CUL5: variants seen among roughly 807,000 people sequenced by gnomAD.
CUL5 encodes cullin 5, also known as cullin-5.
CUL5 carries 26 observed loss-of-function variants against 108.8 expected under a neutral mutation model. That is an observed-to-expected ratio of 0.24 (90% confidence interval 0.18 to 0.33). The LOEUF (loss-of-function observed/expected upper bound fraction) is 0.33, where lower values mean the gene tolerates loss of function less well. CUL5 is among the 10% of genes least tolerant of loss of function. The pLI is 1.00. For synonymous variants in CUL5, 334 were observed against 298.0 expected (o/e 1.12, Z -1.25); for missense variants, 524 against 909.2 (o/e 0.58, Z 5.45).
chr11:108,013,586 TCTTAA>T (rs1481267648), intron 1 of CUL5, among the ~76,000 whole-genome samples: 1 of 152,204 alleles, frequency 6.6e-6, no homozygotes, highest in African/African-American at 2.4e-5. Context: ...AATAACTAAC[TCTTAA>T]CTTTCATTCT....
chr11:108,099,038 T>C (rs1864574025), intron 18 of CUL5, among the ~76,000 whole-genome samples: 1 of 138,310 alleles, frequency 7.2e-6, no homozygotes, highest in South Asian at 2.3e-4. Flanking sequence ...AGGGTCTCAC[T>C]TTGTTGCCCA....
chr11:108,105,708 G>C lies in CUL5; in HGVS notation c.*1324G>C, dbSNP rs1310608786. 6.6e-6 allele frequency: 1 copy of C among 152,070 alleles called. No homozygotes were observed. The highest frequency in any genetic ancestry group is 1.5e-5 in the Non-Finnish European group (1 of 67,974). 9.4% of individuals were successfully genotyped at this position (152,070 alleles called of 1,614,324 possible). On this transcript the variant is annotated 3_prime_UTR_variant, in exon 19 of 19. Transcript: ENST00000393094. ...TTGAAAGAGAAAATTGATTCCCCTTGAGGAAAGAATGGCTCAACGTGGATT... is the reference window on the plus strand; with the variant it reads ...TTGAAAGAGAAAATTGATTCCCCTTCAGGAAAGAATGGCTCAACGTGGATT...
chr11:108,059,923 C>A, intron 7 of CUL5, among the ~76,000 whole-genome samples: 1 of 151,376 alleles, frequency 6.6e-6, no homozygotes. Flanking sequence ...TTTGTATTAG[C>A]AGAATTAAAT....
chr11:108,022,068 A>G (rs1862340231), intron 1 of CUL5, among the ~76,000 whole-genome samples: 1 of 150,864 alleles, frequency 6.6e-6, no homozygotes. Flanking sequence ...TGGTCTTGAA[A>G]TCCTAGCCTC....
chr11:108,067,214 C>T (rs1422660804), intron 7 of CUL5, among the ~76,000 whole-genome samples: 1 of 152,118 alleles, frequency 6.6e-6, no homozygotes, highest in Admixed American at 6.6e-5. Flanking sequence ...TAGCATAATG[C>T]CTGGTACAAA....
chr11:108,021,186 T>G (rs1343519415), intron 1 of CUL5, among the ~76,000 whole-genome samples: 1 of 152,216 alleles, frequency 6.6e-6, no homozygotes, highest in Non-Finnish European at 1.5e-5. Flanking sequence ...ATGAAATTGC[T>G]TAACGATGCA....
In CUL5 at chr11:108,088,596, A is replaced by G; in HGVS notation, c.1248A>G (p.Leu416=). 6.2e-7 allele frequency: 1 copy of G among 1,613,004 alleles called. No individual in the cohort carries two copies. Among genetic ancestry groups the G allele is most frequent in the Non-Finnish European group, 8.5e-7 (1 of 1,179,462 alleles). ...TTGCCAATTACTGTGACATGTTGCT[A>G]AGAAAAACACCATTAAGCAAAAAAC... is the stretch of plus-strand genomic sequence containing the variant. ...ELLANYCDML[L]RKTPLSKKLT... Residue 416 remains leucine, a synonymous_variant, in exon 12 of 19, where the codon CTA becomes CTG. Coordinates refer to ENST00000393094, the MANE Select transcript of CUL5 (RefSeq NM_003478.6).
chr11:108,097,596 T>C, intron 16 of CUL5, 40 bp from the exon 17 acceptor site: 4 of 1,137,122 alleles, frequency 3.5e-6, no homozygotes, highest in East Asian at 2.4e-5. Context: ...TATTCCATAC[T>C]GTTTATAGAT....
chr11:108,046,387 A>G lies in CUL5; in HGVS notation c.234+18A>G, dbSNP rs1188752485. 2 of 1,417,442 alleles carry G rather than the reference A, an allele frequency of 1.4e-6. No individual in the cohort carries two copies. Among genetic ancestry groups the G allele is most frequent in the Admixed American group, 1.8e-5 (1 of 54,330 alleles). 87.8% of individuals were successfully genotyped at this position (1,417,442 alleles called of 1,614,324 possible). On this transcript the variant is annotated intron_variant, in intron 3 of 18. Transcript: ENST00000393094. ...CACAGGCAGTAAGTTCTACATGCTT[A>G]TTTTAGACTTGTTTTAAAACTACTC... is the stretch of plus-strand genomic sequence containing the variant.
chr11:108,106,113 A>G lies in CUL5; in HGVS notation c.*1729A>G, dbSNP rs1439838983. On this transcript the variant is annotated 3_prime_UTR_variant, in exon 19 of 19. Coordinates refer to ENST00000393094, the MANE Select transcript of CUL5 (RefSeq NM_003478.6). ...AAGAATTAAACTAAAATTAATACGT[A>G]CAGTTTTCTCTAATTAGGTGACTGT... 2 of 152,454 alleles carry G rather than the reference A, an allele frequency of 1.3e-5. No homozygotes were observed. The highest frequency in any genetic ancestry group is 3.9e-4 in the East Asian group (2 of 5,194). The allele number at this position is 152,454 out of a possible 1,614,324, so 9.4% of individuals were successfully genotyped here. A position where few individuals can be genotyped will look rare whatever the true frequency, so the allele number is the denominator to read the frequency against.
rs532873871 is a variant in CUL5 at position 108,093,062 on chromosome 11, C to T, written c.1444-1329C>T. Among the ~76,000 whole-genome samples the T allele has an allele frequency of 3.9e-4, 60 of 152,154 alleles. 1 individual carries two copies. In the South Asian group the frequency reaches 9.3e-3, roughly 24 times the overall value. On this transcript the variant is annotated intron_variant, in intron 13 of 18. Coordinates refer to ENST00000393094, the MANE Select transcript of CUL5 (RefSeq NM_003478.6). ...AACTCCTGACCTCAGGTGATCCACC[C>T]GCCTCAGCCTCCCAAAGTGCTGGGA...
At chr11:108,091,290 A>G (rs1319170092) in intron 13 of CUL5, among the ~76,000 whole-genome samples, 1 of 151,826 alleles carries the variant, frequency 6.6e-6, no homozygotes, top group African/African-American at 2.4e-5. Flanking sequence ...GTCTTAAGTG[A>G]TCCGCCTGCC....
rs1219871362 is a variant in CUL5, at chr11:108,054,810, A to G, written c.699+18A>G. On this transcript the variant is annotated intron_variant, in intron 6 of 18. Coordinates refer to ENST00000393094, the MANE Select transcript of CUL5 (RefSeq NM_003478.6). The stretch of plus-strand genomic sequence containing the variant: ...TGAAATATGTAAGTTAGAACTTAGT[A>G]TATGTGATAATTTGAGCAATTCCCT... The G allele has an allele frequency of 2.5e-6, 4 of 1,604,652 alleles. No individual in the cohort carries two copies. Among genetic ancestry groups the G allele is most frequent in the Admixed American group, 1.7e-5 (1 of 58,440 alleles).
intron 7 of CUL5, among the ~76,000 whole-genome samples, chr11:108,062,545 A>T (rs893907025): frequency 6.7e-5 from 10 of 148,426 alleles, no homozygotes; most frequent in Non-Finnish European, 1.5e-4. Flanking sequence ...TAAATATATA[A>T]AATTATAAAT....
intron 10 of CUL5, among the ~76,000 whole-genome samples, chr11:108,074,914 G>T (rs1863909070): frequency 6.6e-6 from 1 of 152,204 alleles, no homozygotes; most frequent in South Asian, 2.1e-4. Context: ...TGAGTAGCCT[G>T]CAAAGGCTTC....
intron 1 of CUL5, among the ~76,000 whole-genome samples, chr11:108,030,305 A>G (rs1483318886): frequency 6.6e-6 from 1 of 152,224 alleles, no homozygotes; most frequent in Non-Finnish European, 1.5e-5. Context: ...TAATCCCAGT[A>G]CTAAGTTTTT....
At chr11:108,017,271 T>C (rs1472244675) in intron 1 of CUL5, among the ~76,000 whole-genome samples, 1 of 151,652 alleles carries the variant, frequency 6.6e-6, no homozygotes, top group Non-Finnish European at 1.5e-5. Context: ...ACGGTTTTAG[T>C]TCTAGCTACT....
At chr11:108,093,054 G>A (rs1864396137) in intron 13 of CUL5, among the ~76,000 whole-genome samples, 1 of 152,144 alleles carries the variant, frequency 6.6e-6, no homozygotes, top group Admixed American at 6.5e-5. Context: ...GACCTCAGGT[G>A]ATCCACCCGC....
intron 16 of CUL5, 35 bp from the exon 17 acceptor site, chr11:108,097,601 A>T (rs367811912): frequency 8.4e-7 from 1 of 1,194,896 alleles, no homozygotes; most frequent in African/African-American, 1.5e-5. Context: ...CATACTGTTT[A>T]TAGATGCTAA....
Sources: allele counts gnomAD v4.1 joint callset (sites outside exome capture counted in the v4.1 genomes callset), GRCh38; gene constraint gnomAD v4.1.1; transcripts MANE v1.5; gene names NCBI Gene and HGNC (gene_info 2026-07-23, HGNC 2026-07-21).